The following STIP1 variants were observed in gnomAD, a reference collection of about 807,000 sequenced individuals.
STIP1 encodes the protein stress induced phosphoprotein 1, also known as stress-induced-phosphoprotein 1.
A neutral mutation model predicts 77.4 loss-of-function variants in STIP1; 16 were observed. The observed-to-expected ratio is 0.21, with a 90% CI of 0.14 to 0.31. The LOEUF is 0.31. STIP1 is among the 10% of genes least tolerant of loss of function. The pLI is 1.00. For synonymous variants in STIP1, 258 were observed against 246.6 expected (o/e 1.05, Z -0.44); for missense variants, 524 against 684.8 (o/e 0.77, Z 2.62).
chr11:64,197,990 A>AT lies in STIP1; in HGVS notation c.1023+17dup. On this transcript the variant is annotated intron_variant, in intron 8 of 13. Coordinates refer to ENST00000305218, the MANE Select transcript of STIP1 (RefSeq NM_006819.3). ...ATGCCAGCAGGTGCGTAGGAAAAGAATAGGGGTATTTTCTTGTTTTCCTAA... is the reference window on the plus strand; with the variant it reads ...ATGCCAGCAGGTGCGTAGGAAAAGAATTAGGGGTATTTTCTTGTTTTCCTAA... 1.2e-6 allele frequency: 2 copies of AT among 1,601,878 alleles called. No individual in the cohort carries two copies. Among genetic ancestry groups the AT allele is most frequent in the Non-Finnish European group, 1.7e-6 (2 of 1,175,114 alleles).
rs140302809 is a variant in STIP1, at chr11:64,199,680, CAG to C, written c.1024-259_1024-258del. ...CCGGGTTCACGCCATTCTCCTGCCT[CAG>C]TCTCCCGAGTAGCTGGGACTACAGG... On this transcript the variant is annotated intron_variant, in intron 8 of 13. Coordinates refer to ENST00000305218, the MANE Select transcript of STIP1 (RefSeq NM_006819.3). 4.0e-4 allele frequency among the ~76,000 whole-genome samples: 60 copies of C among 150,272 alleles called. 1 individual carries two copies. The East Asian group carries it at 0.011, about 28-fold the overall frequency.
At chr11:64,192,504 C>T (rs1946103988) in intron 1 of STIP1, among the ~76,000 whole-genome samples, 1 of 152,130 alleles carries the variant, frequency 6.6e-6, no homozygotes, top group Admixed American at 6.5e-5. Context: ...ATTTATCTAT[C>T]CTGTGGTGAC....
intron 10 of STIP1, among the ~76,000 whole-genome samples, chr11:64,201,433 G>C (rs1946218786): frequency 6.6e-6 from 1 of 152,176 alleles, no homozygotes; most frequent in Admixed American, 6.5e-5. Context: ...TAGGTCTGCT[G>C]TTCTCAGTCA....
At chr11:64,185,678 A>T (rs1272312194), upstream of STIP1, 4 of 1,143,856 alleles carry the variant, frequency 3.5e-6, no homozygotes, top group African/African-American at 6.2e-5. Context: ...ACACAGCTAC[A>T]GACCCCGACT....
intron 5 of STIP1, 23 bp from the exon 6 acceptor site, chr11:64,197,248 A>C (rs377467808): frequency 6.2e-7 from 1 of 1,613,412 alleles, no homozygotes; most frequent in South Asian, 1.1e-5. Context: ...TTTGCTCAGC[A>C]CTCACTTCTA....
intron 10 of STIP1, among the ~76,000 whole-genome samples, chr11:64,201,926 A>T (rs1200997106): frequency 6.6e-6 from 1 of 152,248 alleles, no homozygotes; most frequent in Admixed American, 6.5e-5. Flanking sequence ...CACTTTGAAG[A>T]TGTTTCAAAG....
At chr11:64,202,969 A>G (rs1946236614) in intron 11 of STIP1, 57 bp downstream of exon 11, 1 of 1,613,238 alleles carries the variant, frequency 6.2e-7, no homozygotes, top group East Asian at 2.2e-5. Context: ...AGAGAAGGAA[A>G]GGGCAAGCCC....
In STIP1 at chr11:64,199,788, C is replaced by G. The variant is rs548589301; in HGVS notation, c.1024-152C>G. 1.3e-5 allele frequency: 9 copies of G among 676,354 alleles called. No homozygotes were observed. In the South Asian group the frequency reaches 1.5e-4, roughly 11 times the overall value. 41.9% of individuals were successfully genotyped at this position (676,354 alleles called of 1,614,324 possible). A position where few individuals can be genotyped will look rare whatever the true frequency, so the allele number is the denominator to read the frequency against. On this transcript the variant is annotated intron_variant, in intron 8 of 13. Coordinates refer to ENST00000305218, the MANE Select transcript of STIP1 (RefSeq NM_006819.3). The stretch of plus-strand genomic sequence containing the variant: ...CCATGTTAGCCAGGATGGTCTCGAT[C>G]TCCTGACCTCGTGATCCACCCGCCT...
chr11:64,200,069 G>T (rs750472910), intron 9 of STIP1, 33 bp downstream of exon 9: 1 of 1,614,044 alleles, frequency 6.2e-7, no homozygotes, highest in Non-Finnish European at 8.5e-7. Context: ...TGGGGGAGCA[G>T]TGCTGGGTGT....
At chr11:64,199,815 G>A (rs61629200) in intron 8 of STIP1, 125 bp from the exon 9 acceptor site, 49,648 of 999,658 alleles carry the variant, frequency 0.05, 5,912 homozygotes, top group African/African-American at 0.38. Context: ...CACCCGCCTC[G>A]GCCTCCCAAA....
intron 4 of STIP1, 99 bp downstream of exon 4, chr11:64,194,719 G>A: frequency 6.8e-7 from 1 of 1,467,304 alleles, no homozygotes; most frequent in South Asian, 1.4e-5. Context: ...AAACTGCAGA[G>A]TTTTTGCCTT....
Position 64,194,170 on chromosome 11 carries a change from C to T in STIP1, c.220-19C>T, listed in dbSNP as rs749854122. ...CCTCTGGGTGTTCTCTATTTTGTGT[C>T]TGTCTTTGGTGGTTTAAGGGCTATT... On this transcript the variant is annotated intron_variant, in intron 2 of 13. Coordinates refer to ENST00000305218, the MANE Select transcript of STIP1 (RefSeq NM_006819.3). 11 of 1,600,042 alleles carry T rather than the reference C, an allele frequency of 6.9e-6. No individual in the cohort carries two copies. In the African/African-American group the frequency reaches 1.1e-4, roughly 16 times the overall value.
rs749971119 is a variant in STIP1, at chr11:64,197,208, A to G, written c.673-63A>G. On this transcript the variant is annotated intron_variant, in intron 5 of 13. Coordinates refer to ENST00000305218, the MANE Select transcript of STIP1 (RefSeq NM_006819.3). ...TGCATTTCAGAACTTGTGACAGATC[A>G]TAGATTCTTGCTTTGTCACCTGAGT... 1,867 of 1,602,122 alleles carry G rather than the reference A, an allele frequency of 1.2e-3. 2 individuals carry two copies. The highest frequency in any genetic ancestry group is 1.5e-3 in the Non-Finnish European group (1,721 of 1,174,982).
intron 8 of STIP1, among the ~76,000 whole-genome samples, chr11:64,199,420 G>A (rs1305222452): frequency 2.8e-5 from 4 of 142,798 alleles, no homozygotes; most frequent in Non-Finnish European, 6.1e-5. Flanking sequence ...GCAGGAGAAT[G>A]GCGTTGAACC....
chr11:64,190,480 A>G (rs1307332566), intron 1 of STIP1, among the ~76,000 whole-genome samples: 2 of 151,622 alleles, frequency 1.3e-5, no homozygotes, highest in African/African-American at 4.8e-5. Flanking sequence ...GGCAGCAGCT[A>G]ATTTTTGTAT....
chr11:64,186,080 C>G, upstream of STIP1: 1 of 1,548,686 alleles, frequency 6.5e-7, no homozygotes, highest in Non-Finnish European at 8.7e-7. Flanking sequence ...TGGGCTGGAC[C>G]TCAAGCCAAT....
chr11:64,196,261 T>C (rs776377100), intron 5 of STIP1, among the ~76,000 whole-genome samples: 9 of 150,730 alleles, frequency 6.0e-5, no homozygotes, highest in Admixed American at 4.0e-4. Context: ...CCAGGTGTCA[T>C]GGTGGGCGCC....
At chr11:64,195,496 C>A in intron 4 of STIP1, 149 bp from the exon 5 acceptor site, 1 of 714,840 alleles carries the variant, frequency 1.4e-6, no homozygotes, top group Non-Finnish European at 2.3e-6. Context: ...TCAATTGTAA[C>A]TCATGAGTGG....
chr11:64,193,992 A>G (rs1054914806), intron 2 of STIP1, among the ~76,000 whole-genome samples, 197 bp from the exon 3 acceptor site: 1 of 152,214 alleles, frequency 6.6e-6, no homozygotes, highest in African/African-American at 2.4e-5. Context: ...GGCGGGGCGG[A>G]TGTGCCTCTG....
Sources: gnomAD v4.1 joint callset for allele counts (sites outside exome capture counted in the v4.1 genomes callset) on GRCh38, gnomAD v4.1.1 for gene constraint, MANE v1.5 for transcripts, NCBI Gene and HGNC (gene_info 2026-07-23, HGNC 2026-07-21) for gene names.